The following PLCE1 variants were observed in gnomAD, a reference collection of about 807,000 sequenced individuals.
PLCE1 encodes the protein phospholipase C epsilon 1, also known as 1-phosphatidylinositol 4,5-bisphosphate phosphodiesterase epsilon-1.
PLCE1 carries 119 observed loss-of-function variants against 242.8 expected under a neutral mutation model. The observed-to-expected ratio is 0.49, with a 90% CI of 0.42 to 0.57. The LOEUF (loss-of-function observed/expected upper bound fraction) is 0.57. Ranked by LOEUF, PLCE1 falls within the 20% of genes least tolerant of loss-of-function variation. The pLI is 0.00. For missense variants in PLCE1, 2,441 were observed against 2,788.8 expected, an observed-to-expected ratio of 0.88 and a Z score of 2.81; for synonymous variants, 945 against 1,017.4, an observed-to-expected ratio of 0.93 and a Z score of 1.35.
chr10:94,253,181 TAAAG>T lies in PLCE1; in HGVS notation c.3279+690_3279+693del, dbSNP rs894629166. Among the ~76,000 whole-genome samples, 7 of 152,294 alleles carry T rather than the reference TAAAG, an allele frequency of 4.6e-5. No individual in the cohort carries two copies. In the South Asian group the frequency reaches 1.5e-3, roughly 32 times the overall value. On this transcript the variant is annotated intron_variant, in intron 9 of 32. Transcript: ENST00000371380. The stretch of plus-strand genomic sequence containing the variant: ...GAAATACTTGAGGCTGGGTAATTTA[TAAAG>T]AAAGAAGGTTAATTGACTCACAGTT...
intron 2 of PLCE1, among the ~76,000 whole-genome samples, chr10:94,055,979 T>C (rs937581703): frequency 6.6e-6 from 1 of 152,200 alleles, no homozygotes; most frequent in Non-Finnish European, 1.5e-5. Flanking sequence ...GTATGTTAAT[T>C]TGAATGGTCA....
At chr10:94,293,434 T>C in intron 22 of PLCE1, 74 bp from the exon 23 acceptor site, 1 of 1,524,694 alleles carries the variant, frequency 6.6e-7, no homozygotes, top group South Asian at 1.1e-5. Flanking sequence ...AAAATAAATA[T>C]TAATGGGGAT....
In PLCE1 at chr10:94,279,770, G is replaced by A; in HGVS notation, c.4666-12G>A. On this transcript the variant is annotated splice_polypyrimidine_tract_variant and intron_variant, in intron 19 of 32. Coordinates refer to ENST00000371380, the MANE Select transcript of PLCE1 (RefSeq NM_016341.4). ...TTGGCATCTGCAGTTTACAATTATTGCTATTTTACAGGCTCATCAGTTAGC... is the reference window on the plus strand; with the variant it reads ...TTGGCATCTGCAGTTTACAATTATTACTATTTTACAGGCTCATCAGTTAGC... The A allele has an allele frequency of 1.9e-6, 3 of 1,613,436 alleles. No individual in the cohort carries two copies. Among genetic ancestry groups the A allele is most frequent in the Non-Finnish European group, 2.5e-6 (3 of 1,179,558 alleles).
intron 2 of PLCE1, among the ~76,000 whole-genome samples, chr10:94,106,861 A>G (rs1035027067): frequency 7.1e-6 from 1 of 140,632 alleles, no homozygotes; most frequent in African/African-American, 2.6e-5. Flanking sequence ...CTGCTGCCCC[A>G]TAATATCAAA....
intron 3 of PLCE1, among the ~76,000 whole-genome samples, chr10:94,162,809 C>T (rs1345109296): frequency 6.6e-6 from 1 of 152,172 alleles, no homozygotes; most frequent in East Asian, 1.9e-4. Context: ...ATATATTTCC[C>T]TCTACACACT....
Position 94,030,854 on chromosome 10 carries a change from A to G in PLCE1, c.-193A>G, listed in dbSNP as rs75252848. 3 of 611,608 alleles carry G rather than the reference A, an allele frequency of 4.9e-6. No individual in the cohort carries two copies. Among genetic ancestry groups the G allele is most frequent in the Non-Finnish European group, 8.6e-6 (3 of 348,314 alleles). 37.9% of individuals were successfully genotyped at this position (611,608 alleles called of 1,614,324 possible). On this transcript the variant is annotated 5_prime_UTR_variant, in exon 2 of 33. It removes an upstream start codon present in the reference 5' UTR. Transcript: ENST00000371380. ...CCTGATCTAGAAAAAATATATATTC[A>G]TGATAGGAAGTTATAACTAAGAAAA...
chr10:94,171,171 T>A lies in PLCE1; in HGVS notation c.1493-9T>A. 1 of 1,613,528 alleles carries A rather than the reference T, an allele frequency of 6.2e-7. No individual in the cohort carries two copies. Among genetic ancestry groups the A allele is most frequent in the Non-Finnish European group, 8.5e-7 (1 of 1,179,466 alleles). ...TGATGTAACCACGACTTCTGTTGCT[T>A]TGTTTTAGAACGCCAGCCAGGCCCC... On this transcript the variant is annotated splice_polypyrimidine_tract_variant and intron_variant, in intron 3 of 32. Transcript: ENST00000371380.
chr10:94,133,435 G>T (rs531827718), intron 3 of PLCE1, among the ~76,000 whole-genome samples: 1 of 152,314 alleles, frequency 6.6e-6, no homozygotes, highest in South Asian at 2.1e-4. Flanking sequence ...GCCTTCCCTG[G>T]CAGGAAGCTG....
chr10:94,231,570 T>C (rs2050144958), intron 5 of PLCE1, among the ~76,000 whole-genome samples: 1 of 149,568 alleles, frequency 6.7e-6, no homozygotes, highest in Non-Finnish European at 1.5e-5. Flanking sequence ...TATGAATGAG[T>C]CTTGCAAATT....
At chr10:94,189,749 GA>G (rs1429342190) in intron 4 of PLCE1, among the ~76,000 whole-genome samples, 1 of 152,196 alleles carries the variant, frequency 6.6e-6, no homozygotes, top group Non-Finnish European at 1.5e-5. Flanking sequence ...GAAGGAGAGG[GA>G]GGGGTCAAGA....
At chr10:94,317,309 AAAAT>A (rs1337543976) in intron 29 of PLCE1, among the ~76,000 whole-genome samples, 1 of 152,212 alleles carries the variant, frequency 6.6e-6, no homozygotes, top group Non-Finnish European at 1.5e-5. Context: ...TTCCATTTTA[AAAAT>A]AAATAAAAAC....
chr10:94,031,777 G>A lies in PLCE1; in HGVS notation c.731G>A (p.Cys244Tyr), dbSNP rs1206410558. Residue 244 changes from cysteine (C) to tyrosine (Y), a missense_variant, in exon 2 of 33, where the codon TGT becomes TAT. By Grantham distance (194) the Cys-to-Tyr change is radical (BLOSUM62 -2). Coordinates refer to ENST00000371380, the MANE Select transcript of PLCE1 (RefSeq NM_016341.4). ...AAACTGATGGAATTGGCCAAAAATT[G>A]TGATAATAAGAATGAGCAGCTGCAG... is the stretch of plus-strand genomic sequence containing the variant. ...TCKLMELAKNCDNKNEQLQCD... is the reference protein window; with the variant it reads ...TCKLMELAKNYDNKNEQLQCD... The A allele has an allele frequency of 6.2e-7, 1 of 1,613,748 alleles. No homozygotes were observed. Among genetic ancestry groups the A allele is most frequent in the Admixed American group, 1.7e-5 (1 of 59,952 alleles).
chr10:94,257,328 A>T (rs2051134404), intron 11 of PLCE1, among the ~76,000 whole-genome samples: 1 of 151,876 alleles, frequency 6.6e-6, no homozygotes, highest in South Asian at 2.1e-4. Flanking sequence ...TATATTTGAA[A>T]TATTTCAAAA....
In PLCE1 at chr10:94,306,109, C is replaced by G. The variant is rs1020620967; in HGVS notation, c.5623-318C>G. ...GCCTCAGCCTCCCTAATAGCTGGGA[C>G]TACAGGCGCACACCACCATGCCCAG... On this transcript the variant is annotated intron_variant, in intron 25 of 32. Transcript: ENST00000371380. This position sits in a 1 kb window ranked among gnomAD's most constrained non-coding sequence, Gnocchi z 5.7. 1.3e-5 allele frequency among the ~76,000 whole-genome samples: 2 copies of G among 151,866 alleles called. No homozygotes were observed. Among genetic ancestry groups the G allele is most frequent in the Non-Finnish European group, 1.5e-5 (1 of 67,970 alleles).
chr10:94,231,524 A>G (rs1272249347), intron 5 of PLCE1, among the ~76,000 whole-genome samples: 1 of 151,852 alleles, frequency 6.6e-6, no homozygotes, highest in Non-Finnish European at 1.5e-5. Context: ...TCACTTTCCT[A>G]GTTAACACAC....
At position 94,246,402 on chromosome 10, in the gene PLCE1, G is replaced by A. The variant is rs376245704; in HGVS notation, c.2877G>A (p.Gln959=). Residue 959 remains glutamine (Q), a synonymous_variant, in exon 8 of 33, where the codon CAG becomes CAA. Coordinates refer to ENST00000371380, the MANE Select transcript of PLCE1 (RefSeq NM_016341.4). ...PGIDIHTVCV[Q]NKLGSMFLSE... ...TTGATATACACACTGTGTGTGTTCA[G>A]AACAAACTGGGTAGCATGTTCCTGT... 14 of 1,614,078 alleles carry A rather than the reference G, an allele frequency of 8.7e-6. No individual in the cohort carries two copies. The African/African-American group carries it at 1.5e-4, about 17-fold the overall frequency.
intron 2 of PLCE1, among the ~76,000 whole-genome samples, chr10:94,125,583 A>G (rs1362205138): frequency 1.3e-5 from 2 of 152,160 alleles, no homozygotes; most frequent in African/African-American, 2.4e-5. Flanking sequence ...GAACCTCTTC[A>G]TAGAGCTGTT....
At chr10:94,100,879 T>C (rs1389175445) in intron 2 of PLCE1, among the ~76,000 whole-genome samples, 2 of 152,126 alleles carry the variant, frequency 1.3e-5, no homozygotes, top group African/African-American at 4.8e-5. Context: ...AGGGGAGGGT[T>C]CCCTGTCTGG....
chr10:94,089,489 G>A, intron 2 of PLCE1: 2 of 702,290 alleles, frequency 2.8e-6, no homozygotes, highest in Non-Finnish European at 4.3e-6. Flanking sequence ...CAATTCCTCT[G>A]AGACATTTTA....
Sources: gnomAD v4.1 joint callset for allele counts (sites outside exome capture counted in the v4.1 genomes callset) on GRCh38, gnomAD v4.1.1 for gene constraint, Gnocchi (gnomAD v3.1) non-coding constraint, MANE v1.5 for transcripts, NCBI Gene and HGNC (gene_info 2026-07-23, HGNC 2026-07-21) for gene names.